ARPC2: variants seen among roughly 807,000 people sequenced by gnomAD.
The protein encoded by ARPC2 is actin-related protein 2/3 complex subunit 2.
In ARPC2, 4 loss-of-function variants were observed where a neutral mutation model predicts 38.6. That is an observed-to-expected ratio of 0.10 (90% CI 0.05 to 0.24). The LOEUF (loss-of-function observed/expected upper bound fraction) is 0.24. Among genes scored for constraint, ARPC2 ranks in the 10% least tolerant of loss-of-function variants. The pLI, the probability that ARPC2 is intolerant of heterozygous loss-of-function variation, is 1.00. For synonymous variants in ARPC2, 125 were observed against 140.8 expected, an observed-to-expected ratio of 0.89 and a Z score of 0.79; for missense variants, 229 against 387.3, an observed-to-expected ratio of 0.59 and a Z score of 3.43.
intron 7 of ARPC2, among the ~76,000 whole-genome samples, chr2:218,243,127 CTTG>C (rs928946923): frequency 6.6e-5 from 10 of 152,284 alleles, no homozygotes; most frequent in South Asian, 2.1e-4. Context: ...GAGAGCTCCT[CTTG>C]TTGTATGGTA....
intron 5 of ARPC2, 120 bp downstream of exon 5, chr2:218,234,517 C>G: frequency 1.2e-6 from 1 of 848,374 alleles, no homozygotes; most frequent in South Asian, 1.7e-5. Flanking sequence ...CTGCATGAGC[C>G]CATTCCTAAT....
chr2:218,217,393 G>A, intron 1 of ARPC2, 70 bp from the exon 2 acceptor site: 2 of 1,470,104 alleles, frequency 1.4e-6, no homozygotes, highest in Non-Finnish European at 9.5e-7. Context: ...GGGCAGCAGG[G>A]CCGCTCCCTC....
intron 4 of ARPC2, among the ~76,000 whole-genome samples, chr2:218,230,287 C>CTTTTTTTTTTTTT (rs768585570): frequency 2.2e-4 from 16 of 73,002 alleles, no homozygotes; most frequent in East Asian, 4.6e-4. Context: ...TTTTTTTTTT[C>CTTTTTTTTTTTTT]TTTTTTTTTT....
At chr2:218,238,596 T>C in intron 5 of ARPC2, 68 bp from the exon 6 acceptor site, 1 of 784,174 alleles carries the variant, frequency 1.3e-6, no homozygotes, top group East Asian at 3.6e-5. Flanking sequence ...GCTGCTTTTT[T>C]TTTTTTTTTT....
chr2:218,218,596 G>A (rs1689314447), intron 2 of ARPC2, among the ~76,000 whole-genome samples: 1 of 152,238 alleles, frequency 6.6e-6, no homozygotes, highest in African/African-American at 2.4e-5. Flanking sequence ...TCACATCTGG[G>A]TTTCACAGTT....
intron 6 of ARPC2, 133 bp downstream of exon 6, chr2:218,238,983 C>A: frequency 1.3e-6 from 1 of 748,308 alleles, no homozygotes; most frequent in Non-Finnish European, 2.1e-6. Flanking sequence ...ATGTCTTAAG[C>A]CAGGAAGTAG....
intron 8 of ARPC2, among the ~76,000 whole-genome samples, chr2:218,248,360 CAGATAGTGAGT>C (rs1272178712): frequency 2.0e-5 from 3 of 152,200 alleles, no homozygotes; most frequent in African/African-American, 7.2e-5. Flanking sequence ...CGGGGTTTTG[CAGATAGTGAGT>C]AGAGGAGGTG....
intron 3 of ARPC2, 95 bp from the exon 4 acceptor site, chr2:218,228,643 A>G: frequency 1.6e-6 from 1 of 644,580 alleles, no homozygotes; most frequent in Non-Finnish European, 2.7e-6. Context: ...CCTCCTTAAA[A>G]GTGGTCTTCC....
At chr2:218,236,114 G>C (rs1471552255) in intron 5 of ARPC2, 4 of 151,570 alleles carry the variant, frequency 2.6e-5, no homozygotes, top group Non-Finnish European at 5.9e-5. Context: ...AAAGACCGTA[G>C]AGTCTCTCCT....
chr2:218,218,107 C>T (rs1689298573), intron 2 of ARPC2, among the ~76,000 whole-genome samples: 1 of 152,180 alleles, frequency 6.6e-6, no homozygotes, highest in South Asian at 2.1e-4. Context: ...CTCTGGTTTC[C>T]CTTCCCCGAA....
At chr2:218,249,502 G>T in intron 9 of ARPC2, 38 bp downstream of exon 9, 1 of 1,467,626 alleles carries the variant, frequency 6.8e-7, no homozygotes, top group Non-Finnish European at 9.4e-7. Context: ...CTATGCTCTG[G>T]GTCTTTTCCT....
At chr2:218,220,910 C>G (rs1689367946) in intron 2 of ARPC2, among the ~76,000 whole-genome samples, 1 of 152,168 alleles carries the variant, frequency 6.6e-6, no homozygotes, top group Admixed American at 6.5e-5. Context: ...AGCCCACAAA[C>G]TAAGAGAATG....
At chr2:218,245,646 C>CCTGCGTTTGCCTACCTT in intron 8 of ARPC2, 100 bp downstream of exon 8, 2 of 1,482,402 alleles carry the variant, frequency 1.3e-6, no homozygotes, top group Non-Finnish European at 9.1e-7. Context: ...TTAAGGTAGG[C>CCTGCGTTTGCCTACCTT]AAACGCAGGC....
chr2:218,239,168 G>C (rs1240891656), intron 6 of ARPC2: 1 of 584,168 alleles, frequency 1.7e-6, no homozygotes, highest in Non-Finnish European at 3.0e-6. Flanking sequence ...ATATTTACAA[G>C]TCAATAAAAT....
intron 5 of ARPC2, among the ~76,000 whole-genome samples, chr2:218,238,116 G>T (rs769253098): frequency 6.6e-6 from 1 of 152,164 alleles, no homozygotes; most frequent in Admixed American, 6.5e-5. Context: ...TATTGGGGAG[G>T]TATATGTATG....
At chr2:218,236,128 C>CT (rs1689763836) in intron 5 of ARPC2, 1 of 151,252 alleles carries the variant, frequency 6.6e-6, no homozygotes, top group Non-Finnish European at 1.5e-5. Flanking sequence ...CTCTCCTCCT[C>CT]TTTTTTAATG....
At chr2:218,227,830 G>A (rs983274637) in intron 3 of ARPC2, among the ~76,000 whole-genome samples, 9 of 152,066 alleles carry the variant, frequency 5.9e-5, no homozygotes, top group Admixed American at 4.6e-4. Context: ...GACCTCAAGT[G>A]ATCCACCCAC....
chr2:218,244,096 T>G (rs1689975249), intron 7 of ARPC2, among the ~76,000 whole-genome samples: 1 of 152,244 alleles, frequency 6.6e-6, no homozygotes, highest in Non-Finnish European at 1.5e-5. Flanking sequence ...TTTAGAAGCT[T>G]TGCTCTAGAA....
chr2:218,245,285 G>A, intron 7 of ARPC2, 135 bp from the exon 8 acceptor site: 1 of 1,074,172 alleles, frequency 9.3e-7, no homozygotes, highest in African/African-American at 1.6e-5. Context: ...TTCAGGTTTG[G>A]TGTAGTTTAT....
Sources: gnomAD v4.1 joint callset for allele counts (sites outside exome capture counted in the v4.1 genomes callset) on GRCh38, gnomAD v4.1.1 for gene constraint, MANE v1.5 for transcripts, NCBI Gene and HGNC (gene_info 2026-07-23, HGNC 2026-07-21) for gene names.